Variants in CRAT observed in about 807,000 individuals in gnomAD.
CRAT encodes carnitine O-acetyltransferase, also known as carnitine acetylase.
Under a neutral mutation model 73.7 loss-of-function variants are expected in CRAT, and 66 were observed. The observed-to-expected ratio is 0.90, with a 90% CI of 0.73 to 1.10. The LOEUF is 1.10. Among genes scored for constraint, CRAT ranks in the 50% least tolerant of loss-of-function variants. CRAT has a pLI of 0.00. For synonymous variants in CRAT, 321 were observed against 343.2 expected (o/e 0.94, Z 0.71); for missense variants, 745 against 846.9 (o/e 0.88, Z 1.49).
At chr9:129,102,142 C>T in intron 5 of CRAT, 85 bp from the exon 6 acceptor site, 1 of 1,465,106 alleles carries the variant, frequency 6.8e-7, no homozygotes, top group Non-Finnish European at 9.3e-7. Context: ...CTGCCTCCTC[C>T]TGGCCTTGGC....
Position 129,095,594 on chromosome 9 carries a change from A to C in CRAT, c.1684T>G (p.Cys562Gly), listed in dbSNP as rs1483477740. 14 of 1,612,916 alleles carry C rather than the reference A, an allele frequency of 8.7e-6. No individual in the cohort carries two copies. The highest frequency in any genetic ancestry group is 1.1e-5 in the Non-Finnish European group (13 of 1,179,940). ...ACCACGGGCCCGAAGAACATGACACAGTCTGTCTTGGCAGGGACCTGGGGA... is the reference window on the plus strand; with the variant it reads ...ACCACGGGCCCGAAGAACATGACACCGTCTGTCTTGGCAGGGACCTGGGGA... ...STSQVPAKTD[C>G]VMFFGPVVPD... The change falls in exon 14 of 14, where the codon TGT becomes GGT. Residue 562 changes from cysteine to glycine, a missense_variant. By Grantham distance (159) the Cys-to-Gly change is radical. Coordinates refer to ENST00000318080, the MANE Select transcript of CRAT (RefSeq NM_000755.5).
chr9:129,108,103 A>G, intron 1 of CRAT, 26 bp from the exon 2 acceptor site: 2 of 1,500,822 alleles, frequency 1.3e-6, no homozygotes, highest in Non-Finnish European at 1.8e-6. Context: ...CATCCTGTTC[A>G]TTCCCTCCCC....
Position 129,107,340 on chromosome 9 carries a change from T to C in CRAT, c.291+474A>G. The stretch of plus-strand genomic sequence containing the variant: ...AGTCACTGCATCCAGCTGCCACTTT[T>C]TAAATCTGTGTATTGAAGTATGAGA... On this transcript the variant is annotated intron_variant, in intron 2 of 13. Transcript: ENST00000318080. This position sits in a 1 kb window ranked among gnomAD's most constrained non-coding sequence, Gnocchi z 5.0. 1 of 435,958 alleles carries C rather than the reference T, an allele frequency of 2.3e-6. No individual in the cohort carries two copies. Among genetic ancestry groups the C allele is most frequent in the Non-Finnish European group, 4.2e-6 (1 of 240,462 alleles). The allele number at this position is 435,958 out of a possible 1,614,324, so 27.0% of individuals were successfully genotyped here. A position where few individuals can be genotyped will look rare whatever the true frequency, so the allele number is the denominator to read the frequency against.
At position 129,104,242 on chromosome 9, in the gene CRAT, C is replaced by T. The variant is rs1847861971; in HGVS notation, c.356G>A (p.Ser119Asn). The T allele has an allele frequency of 4.3e-6, 7 of 1,613,464 alleles. No individual in the cohort carries two copies. In the East Asian group the frequency reaches 1.1e-4, roughly 26 times the overall value. Residue 119 changes from serine to asparagine, a missense_variant, in exon 3 of 14, where the codon AGC (serine) becomes AAC (asparagine). Physicochemically the swap from Ser to Asn is conservative, Grantham distance 46. Coordinates refer to ENST00000318080, the MANE Select transcript of CRAT (RefSeq NM_000755.5). ...QYRQPVVIYSSPGVMLPKQDF... is the reference protein window; with the variant it reads ...QYRQPVVIYSNPGVMLPKQDF... The stretch of plus-strand genomic sequence containing the variant: ...CTGCTTGGGTAGCATCACGCCTGGG[C>T]TCGAGTAGATGACCACAGGCTGGCG...
In CRAT at chr9:129,107,388, A is replaced by G. The variant is rs1478336155; in HGVS notation, c.291+426T>C. ...AGATGCAAATAGAAAAGCACACCAA[A>G]CATTGGTGTAGACATATTTGCCAAA... On this transcript the variant is annotated intron_variant, in intron 2 of 13. Transcript: ENST00000318080. This position sits in a 1 kb window ranked among gnomAD's most constrained non-coding sequence, Gnocchi z 5.0. 5.4e-6 allele frequency: 3 copies of G among 556,632 alleles called. No homozygotes were observed. In the African/African-American group the frequency reaches 5.6e-5, roughly 10 times the overall value. The allele number at this position is 556,632 out of a possible 1,614,324, so 34.5% of individuals were successfully genotyped here.
At chr9:129,098,480 A>C in intron 9 of CRAT, 51 bp downstream of exon 9, 1 of 1,589,802 alleles carries the variant, frequency 6.3e-7, no homozygotes, top group East Asian at 2.2e-5. Flanking sequence ...CTCAAGCTCA[A>C]GGGCCTGGCC....
intron 8 of CRAT, among the ~76,000 whole-genome samples, chr9:129,099,593 AT>A (rs67170109): frequency 0.29 from 42,383 of 144,740 alleles, 6,143 homozygotes; most frequent in East Asian, 0.4. Context: ...CACCTGGGTA[AT>A]TTTTTTTTTT....
chr9:129,105,487 AT>A (rs1847961703), intron 2 of CRAT, among the ~76,000 whole-genome samples: 1 of 151,552 alleles, frequency 6.6e-6, no homozygotes, highest in African/African-American at 2.4e-5. Context: ...TGCCTGGCTC[AT>A]TTTTGTATTT....
Position 129,110,406 on chromosome 9 carries a change from G to C in CRAT, c.27+77C>G, listed in dbSNP as rs1848348665. ...GGTCGAACAGCGGCCGCAGGACGCGGTCTCCGTTCCCGGACGCAACCGCAC... is the reference window on the plus strand; with the variant it reads ...GGTCGAACAGCGGCCGCAGGACGCGCTCTCCGTTCCCGGACGCAACCGCAC... On this transcript the variant is annotated intron_variant, in intron 1 of 13. Transcript: ENST00000318080. The surrounding 1 kb of genome is among the most constrained non-coding windows in gnomAD (Gnocchi z 5.3). 13 of 1,414,784 alleles carry C rather than the reference G, an allele frequency of 9.2e-6. No homozygotes were observed. The highest frequency in any genetic ancestry group is 1.1e-5 in the Non-Finnish European group (12 of 1,072,292). The allele number at this position is 1,414,784 out of a possible 1,614,324, so 87.6% of individuals were successfully genotyped here.
chr9:129,098,446 A>G lies in CRAT; in HGVS notation c.1206-75T>C, dbSNP rs17486094. The G allele has an allele frequency of 3.8e-4, 604 of 1,595,632 alleles. 1 individual carries two copies. In the African/African-American group the frequency reaches 7.6e-3, roughly 20 times the overall value. ...CAACCCCACGGAGGGTCTGGGTGTC[A>G]TGACAGAGCTGGCACAGGAGCCTCT... On this transcript the variant is annotated intron_variant, in intron 9 of 13. Coordinates refer to ENST00000318080, the MANE Select transcript of CRAT (RefSeq NM_000755.5).
intron 8 of CRAT, among the ~76,000 whole-genome samples, chr9:129,099,426 ATTTTT>A (rs55884891): frequency 2.5e-5 from 3 of 121,262 alleles, no homozygotes; most frequent in Admixed American, 8.3e-5. Context: ...ACCTGGCCTA[ATTTTT>A]TTTTTTTTTT....
In CRAT at chr9:129,100,499, G is replaced by C; in HGVS notation, c.984+12C>G. 1 of 1,608,834 alleles carries C rather than the reference G, an allele frequency of 6.2e-7. No homozygotes were observed. Among genetic ancestry groups the C allele is most frequent in the Non-Finnish European group, 8.5e-7 (1 of 1,177,642 alleles). Reference sequence around the variant, plus strand: ...GGTGTGTGTGAGTGGGCGAAGCCCTGCCGGGCCTCACCTGCAGCGTCTTGT... The same window carrying C: ...GGTGTGTGTGAGTGGGCGAAGCCCTCCCGGGCCTCACCTGCAGCGTCTTGT... On this transcript the variant is annotated intron_variant, in intron 7 of 13. Transcript: ENST00000318080.
In CRAT at chr9:129,096,122, T is replaced by G; in HGVS notation, c.1541A>C (p.Glu514Ala). 2 of 1,613,246 alleles carry G rather than the reference T, an allele frequency of 1.2e-6. No homozygotes were observed. The highest frequency in any genetic ancestry group is 8.5e-7 in the Non-Finnish European group (1 of 1,180,008). ...RGYTDRAIRG[E>A]AFDRHLLGLK... ...GCCCAGCAGGTGTCGATCAAAGGCCTCCCCGCGGATGGCCTGTTGGGGTGG... is the reference window on the plus strand; with the variant it reads ...GCCCAGCAGGTGTCGATCAAAGGCCGCCCCGCGGATGGCCTGTTGGGGTGG... The change falls in exon 13 of 14, where the codon GAG becomes GCG. Residue 514 changes from glutamate to alanine, a missense_variant. Physicochemically the swap from Glu to Ala is moderately radical, Grantham distance 107. Coordinates refer to ENST00000318080, the MANE Select transcript of CRAT (RefSeq NM_000755.5).
intron 1 of CRAT, chr9:129,108,426 C>T (rs578259354): frequency 5.1e-6 from 6 of 1,176,802 alleles, no homozygotes; most frequent in Middle Eastern, 3.7e-4. Flanking sequence ...AGGAGCCAGC[C>T]AGCAGAGTGG....
At position 129,110,079 on chromosome 9, in the gene CRAT, C is replaced by A. The variant is rs987052932; in HGVS notation, c.27+404G>T. ...CGTCTGATAAACCAAAGGAGTGTGA[C>A]CAACTGGACAGGGTCGGAGGAGTGG... On this transcript the variant is annotated intron_variant, in intron 1 of 13. Coordinates refer to ENST00000318080, the MANE Select transcript of CRAT (RefSeq NM_000755.5). This position sits in a 1 kb window ranked among gnomAD's most constrained non-coding sequence, Gnocchi z 5.3. 2.6e-5 allele frequency among the ~76,000 whole-genome samples: 4 copies of A among 152,240 alleles called. No homozygotes were observed. In the South Asian group the frequency reaches 8.3e-4, roughly 32 times the overall value.
At chr9:129,098,745 G>GCCCCCTCCAGCTTC in intron 8 of CRAT, 95 bp from the exon 9 acceptor site, 1 of 1,450,922 alleles carries the variant, frequency 6.9e-7, no homozygotes, top group Non-Finnish European at 9.2e-7. Flanking sequence ...CCTGAAGCTG[G>GCCCCCTCCAGCTTC]AGGGGGCCAG....
In CRAT at chr9:129,104,222, T is replaced by C; in HGVS notation, c.376A>G (p.Lys126Glu). The change falls in exon 3 of 14, where the codon AAG becomes GAG. Residue 126 changes from lysine (K) to glutamate (E), a missense_variant. Physicochemically the swap from Lys to Glu is moderately conservative, Grantham distance 56 (BLOSUM62 1). Coordinates refer to ENST00000318080, the MANE Select transcript of CRAT (RefSeq NM_000755.5). ...CCCTGCAGGTCCACGAAGTCCTGCTTGGGTAGCATCACGCCTGGGCTCGAG... is the reference window on the plus strand; with the variant it reads ...CCCTGCAGGTCCACGAAGTCCTGCTCGGGTAGCATCACGCCTGGGCTCGAG... ...IYSSPGVMLP[K>E]QDFVDLQGQL... 6.2e-7 allele frequency: 1 copy of C among 1,612,384 alleles called. No individual in the cohort carries two copies. The highest frequency in any genetic ancestry group is 8.5e-7 in the Non-Finnish European group (1 of 1,179,412).
At chr9:129,102,182 G>A in intron 5 of CRAT, 125 bp from the exon 6 acceptor site, 1 of 1,232,480 alleles carries the variant, frequency 8.1e-7, no homozygotes, top group Non-Finnish European at 1.1e-6. Context: ...GGCCAAGGGT[G>A]AGAGGGGGAG....
In CRAT at chr9:129,108,690, A is replaced by C. The variant is rs570900615; in HGVS notation, c.28-613T>G. The stretch of plus-strand genomic sequence containing the variant: ...AAAGAGAAAGTCCAGGAGGCCCTGG[A>C]GTGGGCAGAGACAGGAGGGCCCGAG... On this transcript the variant is annotated intron_variant, in intron 1 of 13. Coordinates refer to ENST00000318080, the MANE Select transcript of CRAT (RefSeq NM_000755.5). The C allele has an allele frequency of 1.0e-4, 131 of 1,291,478 alleles. 3 individuals carry two copies. The South Asian group carries it at 1.5e-3, about 15-fold the overall frequency. 80.0% of individuals were successfully genotyped at this position (1,291,478 alleles called of 1,614,324 possible).
Sources: gnomAD v4.1 joint callset for allele counts (sites outside exome capture counted in the v4.1 genomes callset) on GRCh38, gnomAD v4.1.1 for gene constraint, Gnocchi (gnomAD v3.1) non-coding constraint, MANE v1.5 for transcripts, NCBI Gene and HGNC (gene_info 2026-07-23, HGNC 2026-07-21) for gene names.